NFATC1: variants seen among roughly 807,000 people sequenced by gnomAD.
NFATC1 encodes the protein nuclear factor of activated T-cells, cytoplasmic 1.
A neutral mutation model predicts 76.0 loss-of-function variants in NFATC1; 22 were observed. The ratio of observed to expected loss-of-function variants is 0.29; its 90% CI spans 0.21 to 0.41. The LOEUF is 0.41. Among genes scored for constraint, NFATC1 ranks in the 10% least tolerant of loss-of-function variants. The pLI is 1.00. For missense variants in NFATC1, 1,357 were observed against 1,337.7 expected, an observed-to-expected ratio of 1.01 and a Z score of -0.23; for synonymous variants, 704 against 613.1, an observed-to-expected ratio of 1.15 and a Z score of -2.19.
In NFATC1 at chr18:79,486,653, G is replaced by A. The variant is rs775123158; in HGVS notation, c.2498G>A (p.Ser833Asn). 2 of 1,603,634 alleles carry A rather than the reference G, an allele frequency of 1.2e-6. No homozygotes were observed. Among genetic ancestry groups the A allele is most frequent in the African/African-American group, 1.3e-5 (1 of 74,772 alleles). Residue 833 changes from serine to asparagine, a missense_variant, in exon 9 of 10, where the codon AGC becomes AAC. By Grantham distance (46) the Ser-to-Asn change is conservative. Coordinates refer to ENST00000427363, the MANE Select transcript of NFATC1 (RefSeq NM_001278669.2). ...PQQVSAPPSS[S>N]CPPGLEHSLC... ...CAGGTGAGTGCGCCTCCAAGCAGTA[G>A]CTGCCCCCCTGGTCTCGAACACTCG...
At chr18:79,421,786 T>C (rs1038882702) in intron 2 of NFATC1, 1 of 152,332 alleles carries the variant, frequency 6.6e-6, no homozygotes, top group African/African-American at 2.4e-5. Flanking sequence ...CAGCAGCTCT[T>C]GGCAGTGCCG....
At chr18:79,442,445 C>T (rs2087018847) in intron 3 of NFATC1, among the ~76,000 whole-genome samples, 1 of 152,242 alleles carries the variant, frequency 6.6e-6, no homozygotes, top group Admixed American at 6.5e-5. Flanking sequence ...GGTTGCCACT[C>T]AACATCCTTC....
At chr18:79,462,815 T>C (rs1046549089) in intron 7 of NFATC1, among the ~76,000 whole-genome samples, 3 of 144,170 alleles carry the variant, frequency 2.1e-5, no homozygotes, top group African/African-American at 5.0e-5. Context: ...ACTCAGTGTG[T>C]GTCCCTGCGG....
At chr18:79,489,416 G>A (rs2089612714) in intron 9 of NFATC1, among the ~76,000 whole-genome samples, 1 of 152,190 alleles carries the variant, frequency 6.6e-6, no homozygotes, top group Non-Finnish European at 1.5e-5. Flanking sequence ...CGTTCCCATT[G>A]GGGCCTCTCC....
At chr18:79,484,816 G>A (rs1015022778) in intron 8 of NFATC1, among the ~76,000 whole-genome samples, 1 of 152,106 alleles carries the variant, frequency 6.6e-6, no homozygotes, top group Non-Finnish European at 1.5e-5. Flanking sequence ...TGGATGACTC[G>A]CGCCTGCCTT....
At chr18:79,453,722 C>T (rs559608080) in intron 6 of NFATC1, among the ~76,000 whole-genome samples, 12 of 152,318 alleles carry the variant, frequency 7.9e-5, no homozygotes, top group South Asian at 4.2e-4. Flanking sequence ...GTGCTGTGCT[C>T]GAGAGCACGT....
intron 9 of NFATC1, among the ~76,000 whole-genome samples, chr18:79,503,017 C>T (rs2090046082): frequency 6.6e-6 from 1 of 152,230 alleles, no homozygotes. Context: ...AAGGCTTGTA[C>T]ATGACTGTCC....
intron 9 of NFATC1, among the ~76,000 whole-genome samples, chr18:79,515,643 G>C (rs1416525524): frequency 1.3e-5 from 2 of 151,988 alleles, no homozygotes; most frequent in African/African-American, 2.4e-5. Flanking sequence ...GAGGCCGCCT[G>C]ATCAGTGCCA....
intron 2 of NFATC1, among the ~76,000 whole-genome samples, chr18:79,424,477 C>G (rs2086210173): frequency 7.5e-6 from 1 of 132,790 alleles, no homozygotes. Flanking sequence ...CTCTCTCTCT[C>G]TTTGTCTCTC....
chr18:79,495,887 G>C (rs1001034346), intron 9 of NFATC1, among the ~76,000 whole-genome samples: 11 of 152,194 alleles, frequency 7.2e-5, no homozygotes, highest in Non-Finnish European at 1.6e-4. Context: ...CTGTAACACA[G>C]GCAAGCCGTG....
chr18:79,501,050 T>C (rs2090001599), intron 9 of NFATC1, among the ~76,000 whole-genome samples: 1 of 152,086 alleles, frequency 6.6e-6, no homozygotes, highest in Non-Finnish European at 1.5e-5. Flanking sequence ...AAAAATATTC[T>C]TTATGAACAC....
At chr18:79,514,726 A>G (rs2090338018) in intron 9 of NFATC1, among the ~76,000 whole-genome samples, 1 of 151,966 alleles carries the variant, frequency 6.6e-6, no homozygotes, top group African/African-American at 2.4e-5. Context: ...TAAGAGGAAG[A>G]TTTAGTTGAA....
rs752064974 is a variant in NFATC1, at chr18:79,451,023, C to T, written c.1659C>T (p.Ile553=). ...AACTTCGGAAAGGAGAGACGGACAT[C>T]GGGAGGAAGAACACACGGGTACGGC... is the stretch of plus-strand genomic sequence containing the variant. ...DIELRKGETD[I]GRKNTRVRLV... The change falls in exon 5 of 10, where the codon ATC becomes ATT. Residue 553 remains isoleucine (I), a synonymous_variant. Transcript: ENST00000427363. The T allele has an allele frequency of 8.1e-6, 13 of 1,613,844 alleles. No individual in the cohort carries two copies. The highest frequency in any genetic ancestry group is 3.3e-5 in the South Asian group (3 of 91,090).
chr18:79,400,573 C>A, intron 1 of NFATC1: 1 of 1,111,982 alleles, frequency 9.0e-7, no homozygotes, highest in Non-Finnish European at 1.2e-6. Flanking sequence ...TCCCCGGGGA[C>A]CCCAGGAGTC....
intron 7 of NFATC1, among the ~76,000 whole-genome samples, chr18:79,466,664 C>A (rs73494278): frequency 6.6e-6 from 1 of 152,212 alleles, no homozygotes; most frequent in South Asian, 2.1e-4. Context: ...GCTGTCTGTG[C>A]CTCCGTGCCC....
chr18:79,525,025 C>T (rs62096928), intron 9 of NFATC1, among the ~76,000 whole-genome samples: 1 of 121,664 alleles, frequency 8.2e-6, no homozygotes, highest in African/African-American at 3.1e-5. Flanking sequence ...TACTACCCCT[C>T]AGGCCTCCCC....
intron 3 of NFATC1, among the ~76,000 whole-genome samples, chr18:79,446,618 G>T (rs967772477): frequency 3.3e-5 from 5 of 152,148 alleles, no homozygotes; most frequent in African/African-American, 1.2e-4. Flanking sequence ...TCTCTCTTCC[G>T]AGGAGCTGAG....
intron 6 of NFATC1, among the ~76,000 whole-genome samples, chr18:79,456,461 G>A (rs192612130): frequency 1.2e-3 from 184 of 152,316 alleles, no homozygotes; most frequent in Admixed American, 9.9e-3. Flanking sequence ...CGGAAGCCCC[G>A]AGGCCCCTGC....
At chr18:79,489,891 C>T (rs1329724201) in intron 9 of NFATC1, among the ~76,000 whole-genome samples, 1 of 152,236 alleles carries the variant, frequency 6.6e-6, no homozygotes, top group Non-Finnish European at 1.5e-5. Flanking sequence ...CGGCGCTAGG[C>T]GGTGCCGCTT....
Sources: gnomAD v4.1 joint callset for allele counts (sites outside exome capture counted in the v4.1 genomes callset) on GRCh38, gnomAD v4.1.1 for gene constraint, MANE v1.5 for transcripts, NCBI Gene and HGNC (gene_info 2026-07-23, HGNC 2026-07-21) for gene names.